TBCA: variants seen among roughly 807,000 people sequenced by gnomAD.
The protein encoded by TBCA is tubulin-specific chaperone A.
TBCA carries 6 observed loss-of-function variants against 15.8 expected under a neutral mutation model. The ratio of observed to expected loss-of-function variants is 0.38; its 90% CI spans 0.21 to 0.75. The LOEUF is 0.75. Among genes scored for constraint, TBCA ranks in the 30% least tolerant of loss-of-function variants. TBCA has a pLI of 0.46. For missense variants in TBCA, 90 were observed against 131.2 expected (o/e 0.69, Z 1.53); for synonymous variants, 32 against 42.3 (o/e 0.76, Z 0.94).
intron 1 of TBCA, among the ~76,000 whole-genome samples, chr5:77,726,337 T>C (rs913303389): frequency 3.3e-5 from 5 of 152,256 alleles, no homozygotes; most frequent in Non-Finnish European, 7.3e-5. Flanking sequence ...TGGTCTGGAA[T>C]GGAGGCCACT....
chr5:77,749,856 A>C (rs1222810585), intron 1 of TBCA, among the ~76,000 whole-genome samples: 1 of 152,226 alleles, frequency 6.6e-6, no homozygotes, highest in Non-Finnish European at 1.5e-5. Context: ...TGGTATGTCC[A>C]TTCCGAATAC....
chr5:77,737,017 A>G (rs557996616), intron 1 of TBCA, among the ~76,000 whole-genome samples: 1 of 152,348 alleles, frequency 6.6e-6, no homozygotes, highest in East Asian at 1.9e-4. Flanking sequence ...GAATCTAGAA[A>G]AGACTTTTGG....
intron 1 of TBCA, among the ~76,000 whole-genome samples, chr5:77,730,955 T>C (rs1346223301): frequency 6.6e-5 from 10 of 152,314 alleles, no homozygotes; most frequent in Non-Finnish European, 4.4e-5. Flanking sequence ...TTAAGCAATA[T>C]CCTCCTGATG....
At chr5:77,700,078 G>A (rs1745977109) in intron 2 of TBCA, among the ~76,000 whole-genome samples, 1 of 150,060 alleles carries the variant, frequency 6.7e-6, no homozygotes, top group Non-Finnish European at 1.5e-5. Context: ...GGTGGTGCAT[G>A]CCTGCAGTCC....
chr5:77,751,743 T>A (rs1747348352), intron 1 of TBCA, among the ~76,000 whole-genome samples: 1 of 152,144 alleles, frequency 6.6e-6, no homozygotes, highest in South Asian at 2.1e-4. Context: ...GTAATTCACA[T>A]GGAGCCAGCT....
At chr5:77,738,319 C>G (rs897266747) in intron 1 of TBCA, among the ~76,000 whole-genome samples, 4 of 152,222 alleles carry the variant, frequency 2.6e-5, no homozygotes, top group Non-Finnish European at 5.9e-5. Context: ...AGAAGATTAA[C>G]TTGCCTATGT....
intron 1 of TBCA, among the ~76,000 whole-genome samples, chr5:77,744,945 C>T (rs915037565): frequency 4.6e-5 from 7 of 152,198 alleles, no homozygotes; most frequent in African/African-American, 1.7e-4. Context: ...CATCCTGGCT[C>T]TACCACTTCC....
At chr5:77,695,286 ACAGGGCCAAAGCT>A (rs1316952256) in intron 2 of TBCA, among the ~76,000 whole-genome samples, 25 of 152,304 alleles carry the variant, frequency 1.6e-4, no homozygotes, top group African/African-American at 5.8e-4. Context: ...TCCAACTTAC[ACAGGGCCAAAGCT>A]CAGGCTCTCC....
intron 1 of TBCA, among the ~76,000 whole-genome samples, chr5:77,732,724 G>C (rs942061099): frequency 4.6e-5 from 7 of 151,966 alleles, no homozygotes; most frequent in African/African-American, 1.5e-4. Context: ...ACGGTGATTT[G>C]TGATCACTGA....
intron 1 of TBCA, among the ~76,000 whole-genome samples, chr5:77,747,140 A>G (rs1483309505): frequency 1.3e-5 from 2 of 152,064 alleles, no homozygotes; most frequent in African/African-American, 4.8e-5. Context: ...ACATACATAC[A>G]CTTACCAGCC....
At chr5:77,701,071 CTTAA>C (rs757083766) in intron 2 of TBCA, among the ~76,000 whole-genome samples, 5 of 151,986 alleles carry the variant, frequency 3.3e-5, no homozygotes, top group Non-Finnish European at 5.9e-5. Flanking sequence ...ATAGCTGGGA[CTTAA>C]TTAAAGAGCT....
intron 1 of TBCA, among the ~76,000 whole-genome samples, chr5:77,736,342 A>G (rs1746905770): frequency 1.3e-5 from 2 of 151,900 alleles, no homozygotes; most frequent in Admixed American, 6.6e-5. Context: ...TCTCAAAAAA[A>G]AAAAAAAAAA....
intron 1 of TBCA, among the ~76,000 whole-genome samples, chr5:77,714,813 A>G (rs1416419958): frequency 3.3e-5 from 5 of 151,984 alleles, no homozygotes; most frequent in African/African-American, 4.8e-5. Flanking sequence ...TGATCCGCCC[A>G]CCTCGACCTC....
At chr5:77,748,680 G>A (rs1747244856) in intron 1 of TBCA, among the ~76,000 whole-genome samples, 1 of 152,158 alleles carries the variant, frequency 6.6e-6, no homozygotes, top group South Asian at 2.1e-4. Flanking sequence ...AATGGAGACA[G>A]AATAGAAGTG....
chr5:77,708,979 T>A (rs929091523), intron 1 of TBCA, among the ~76,000 whole-genome samples: 2 of 135,000 alleles, frequency 1.5e-5, no homozygotes, highest in East Asian at 4.4e-4. Flanking sequence ...TTAATACAAC[T>A]GTCTTTTTTT....
intron 2 of TBCA, among the ~76,000 whole-genome samples, chr5:77,703,188 G>A (rs902827667): frequency 6.6e-6 from 1 of 152,174 alleles, no homozygotes; most frequent in Admixed American, 6.5e-5. Flanking sequence ...AAACTCTTTT[G>A]TGAGAAAACT....
chr5:77,769,420 A>G lies in TBCA; in HGVS notation c.53+6785T>C, dbSNP rs546484991. Among the ~76,000 whole-genome samples, 18 of 152,368 alleles carry G rather than the reference A, an allele frequency of 1.2e-4. No individual in the cohort carries two copies. The East Asian group carries it at 2.9e-3, about 24-fold the overall frequency. ...ACTTCTATGCACCATTGCTTTAAAT[A>G]TAAGTATATAAACAGCTAAAGCTAA... is the stretch of plus-strand genomic sequence containing the variant. On this transcript the variant is annotated intron_variant, in intron 1 of 3. Coordinates refer to ENST00000380377, the MANE Select transcript of TBCA (RefSeq NM_004607.3).
In TBCA at chr5:77,691,884, G is replaced by T. The variant is rs75318330; in HGVS notation, c.247-386C>A. On this transcript the variant is annotated intron_variant, in intron 3 of 3. Transcript: ENST00000380377. The stretch of plus-strand genomic sequence containing the variant: ...CATGTTACATATATGACAGCATTCA[G>T]GCCAAAATAATCCACTGACTATTCA... 18 of 993,438 alleles carry T rather than the reference G, an allele frequency of 1.8e-5. No individual in the cohort carries two copies. In the East Asian group the frequency reaches 2.0e-3, roughly 110 times the overall value. 61.5% of individuals were successfully genotyped at this position (993,438 alleles called of 1,614,324 possible).
At chr5:77,693,076 A>C (rs1313174917) in intron 3 of TBCA, 190 bp downstream of exon 3, 1 of 1,455,060 alleles carries the variant, frequency 6.9e-7, no homozygotes, top group Admixed American at 2.8e-5. Context: ...AGAAAACAGT[A>C]CTTTTACTGG....
Sources: gnomAD v4.1 joint callset for allele counts (sites outside exome capture counted in the v4.1 genomes callset) on GRCh38, gnomAD v4.1.1 for gene constraint, MANE v1.5 for transcripts, NCBI Gene and HGNC (gene_info 2026-07-23, HGNC 2026-07-21) for gene names.